SLC44A3: variants seen among roughly 807,000 people sequenced by gnomAD.
SLC44A3 encodes choline transporter-like protein 3.
Under a neutral mutation model 75.4 loss-of-function variants are expected in SLC44A3, and 74 were observed. That is an observed-to-expected ratio of 0.98 (90% CI 0.81 to 1.19). The LOEUF is 1.19. SLC44A3 is among the 50% of genes most tolerant of loss of function. SLC44A3 has a pLI of 0.00. For synonymous variants in SLC44A3, 310 were observed against 296.9 expected, an observed-to-expected ratio of 1.04 and a Z score of -0.45; for missense variants, 700 against 778.6, an observed-to-expected ratio of 0.90 and a Z score of 1.20.
At chr1:94,868,506 A>G (rs1667412778) in intron 12 of SLC44A3, among the ~76,000 whole-genome samples, 1 of 152,256 alleles carries the variant, frequency 6.6e-6, no homozygotes, top group Non-Finnish European at 1.5e-5. Flanking sequence ...GCCAGCATGT[A>G]TAAAACACAA....
At chr1:94,828,075 A>G (rs1009881158) in intron 4 of SLC44A3, among the ~76,000 whole-genome samples, 6 of 152,182 alleles carry the variant, frequency 3.9e-5, no homozygotes, top group African/African-American at 1.2e-4. Flanking sequence ...AGATACTTCC[A>G]CTGAGCAGTG....
At chr1:94,820,737 G>T (rs1304157164) in intron 1 of SLC44A3, 2 of 1,392,594 alleles carry the variant, frequency 1.4e-6, no homozygotes, top group Admixed American at 6.0e-5. Context: ...AGCACTTGGC[G>T]GCAGGGGGCT....
At chr1:94,860,297 T>C (rs539853302) in intron 10 of SLC44A3, among the ~76,000 whole-genome samples, 68 of 152,220 alleles carry the variant, frequency 4.5e-4, no homozygotes, top group African/African-American at 1.3e-3. Flanking sequence ...ACATTTTCTA[T>C]TGAAGGATTA....
At chr1:94,879,183 A>T (rs1040744327) in intron 12 of SLC44A3, among the ~76,000 whole-genome samples, 1 of 151,098 alleles carries the variant, frequency 6.6e-6, no homozygotes, top group Non-Finnish European at 1.5e-5. Context: ...TCCAAAATAC[A>T]TAAGGAACTT....
chr1:94,891,389 A>G (rs981362620), intron 13 of SLC44A3, 122 bp downstream of exon 13: 2 of 1,024,246 alleles, frequency 2.0e-6, no homozygotes, highest in African/African-American at 3.2e-5. Flanking sequence ...GTGCTTCATT[A>G]TCTCATTTAA....
intron 5 of SLC44A3, among the ~76,000 whole-genome samples, chr1:94,830,802 C>A (rs1472497203): frequency 1.3e-5 from 2 of 152,174 alleles, no homozygotes; most frequent in Non-Finnish European, 2.9e-5. Flanking sequence ...TCTCTTCTTA[C>A]TATAAATGGG....
At chr1:94,851,958 A>T (rs1665266817) in intron 9 of SLC44A3, among the ~76,000 whole-genome samples, 2 of 152,250 alleles carry the variant, frequency 1.3e-5, no homozygotes, top group Non-Finnish European at 2.9e-5. Context: ...GCTTGCTAAT[A>T]ATATCCAGAC....
chr1:94,893,750 G>A (rs1670473244), intron 14 of SLC44A3, among the ~76,000 whole-genome samples: 1 of 152,122 alleles, frequency 6.6e-6, no homozygotes, highest in African/African-American at 2.4e-5. Flanking sequence ...TTATGATGGT[G>A]GTATGTAGCT....
At chr1:94,840,782 A>G (rs859113) in intron 7 of SLC44A3, among the ~76,000 whole-genome samples, 82,369 of 152,190 alleles carry the variant, frequency 0.54, 22,397 homozygotes, top group East Asian at 0.69. Context: ...CTGACCAGCC[A>G]GAAGACACAC....
intron 12 of SLC44A3, among the ~76,000 whole-genome samples, chr1:94,883,508 AC>A (rs1571447240): frequency 6.6e-6 from 1 of 152,174 alleles, no homozygotes; most frequent in East Asian, 1.9e-4. Flanking sequence ...CCTGTTTCAA[AC>A]AAAGCAAACA....
chr1:94,891,751 C>T (rs60244926), intron 13 of SLC44A3, among the ~76,000 whole-genome samples: 6,339 of 152,050 alleles, frequency 0.042, 265 homozygotes, highest in African/African-American at 0.1. Flanking sequence ...GGGAAAACCC[C>T]GTCTCTACTA....
In SLC44A3 at chr1:94,864,786, T is replaced by G. The variant is rs2101424084; in HGVS notation, c.1282T>G (p.Ser428Ala). 1 of 1,614,056 alleles carries G rather than the reference T, an allele frequency of 6.2e-7. No individual in the cohort carries two copies. Among genetic ancestry groups the G allele is most frequent in the Non-Finnish European group, 8.5e-7 (1 of 1,179,928 alleles). Residue 428 changes from serine to alanine, a missense_variant, in exon 11 of 15, where the codon TCC becomes GCC. Transcript: ENST00000271227. ...PPDHPILSSLSILFFYHQGTV... is the reference protein window; with the variant it reads ...PPDHPILSSLAILFFYHQGTV... ...TGATCATCCCATCCTTTCGTCTCTC[T>G]CCATTCTCTTCTTCTACCATCAAGG...
intron 10 of SLC44A3, among the ~76,000 whole-genome samples, chr1:94,859,669 G>A (rs1291265359): frequency 6.6e-6 from 1 of 152,194 alleles, no homozygotes; most frequent in Non-Finnish European, 1.5e-5. Context: ...AGGGAAAGCA[G>A]AGAGGGCCTG....
chr1:94,830,824 A>G (rs1432610979), intron 5 of SLC44A3, among the ~76,000 whole-genome samples: 3 of 152,212 alleles, frequency 2.0e-5, no homozygotes, highest in South Asian at 2.1e-4. Context: ...TGGCAACCAT[A>G]ATTCCACAGG....
intron 2 of SLC44A3, among the ~76,000 whole-genome samples, chr1:94,822,795 C>T (rs550270979): frequency 2.5e-4 from 38 of 152,330 alleles, no homozygotes; most frequent in African/African-American, 8.2e-4. Flanking sequence ...GCACGGTTGA[C>T]AGTGACTACC....
At chr1:94,888,893 C>CTA (rs34513886) in intron 12 of SLC44A3, among the ~76,000 whole-genome samples, 2,133 of 146,860 alleles carry the variant, frequency 0.015, 39 homozygotes, top group South Asian at 0.023. Flanking sequence ...CCACGACTGG[C>CTA]TATATATATA....
intron 12 of SLC44A3, among the ~76,000 whole-genome samples, chr1:94,889,883 T>C (rs980182114): frequency 6.6e-6 from 1 of 151,892 alleles, no homozygotes; most frequent in African/African-American, 2.4e-5. Flanking sequence ...GGAGTTTCGC[T>C]CTTGTTGCCC....
intron 5 of SLC44A3, chr1:94,836,968 T>C (rs1662914458): frequency 6.6e-6 from 1 of 150,552 alleles, no homozygotes; most frequent in African/African-American, 2.4e-5. Flanking sequence ...GTAGTATATG[T>C]ACACATACCA....
At chr1:94,861,025 A>G (rs1666507307) in intron 10 of SLC44A3, among the ~76,000 whole-genome samples, 1 of 152,240 alleles carries the variant, frequency 6.6e-6, no homozygotes, top group Non-Finnish European at 1.5e-5. Context: ...ACGTTGGTGA[A>G]GCGTTCGGTG....
Sources: allele counts gnomAD v4.1 joint callset (sites outside exome capture counted in the v4.1 genomes callset), GRCh38; gene constraint gnomAD v4.1.1; transcripts MANE v1.5; gene names NCBI Gene and HGNC (gene_info 2026-07-23, HGNC 2026-07-21).